CAMTA1: variants seen among roughly 807,000 people sequenced by gnomAD.
CAMTA1 encodes calmodulin-binding transcription activator 1.
CAMTA1 carries 27 observed loss-of-function variants against 170.9 expected under a neutral mutation model. The ratio of observed to expected loss-of-function variants is 0.16; its 90% CI spans 0.12 to 0.22. CAMTA1 has a LOEUF of 0.22. CAMTA1 is among the 10% of genes least tolerant of loss of function. CAMTA1 has a pLI of 1.00. For synonymous variants in CAMTA1, 833 were observed against 891.5 expected (o/e 0.93, Z 1.17); for missense variants, 1,619 against 2,217.2 (o/e 0.73, Z 5.42).
chr1:6,979,700 A>G (rs1163055049), intron 3 of CAMTA1, among the ~76,000 whole-genome samples: 3 of 152,232 alleles, frequency 2.0e-5, no homozygotes, highest in African/African-American at 7.2e-5. Flanking sequence ...TCCTAAAATT[A>G]GAAGAAAACT....
intron 4 of CAMTA1, among the ~76,000 whole-genome samples, chr1:7,225,862 C>A (rs1010029253): frequency 2.0e-5 from 3 of 152,192 alleles, no homozygotes; most frequent in African/African-American, 7.2e-5. Context: ...TCCAGTGTGG[C>A]TCCTCTGCTC....
chr1:7,694,843 A>G (rs2096357818), intron 11 of CAMTA1: 1 of 152,158 alleles, frequency 6.6e-6, no homozygotes, highest in African/African-American at 2.4e-5. Flanking sequence ...GGACCTTGCA[A>G]TTAGTGCCCA....
chr1:6,792,530 T>G (rs1323035590), intron 1 of CAMTA1, among the ~76,000 whole-genome samples: 1 of 152,134 alleles, frequency 6.6e-6, no homozygotes, highest in Non-Finnish European at 1.5e-5. Flanking sequence ...TGTACCCCAT[T>G]GCAAAGAGAG....
Position 7,086,710 on chromosome 1 carries a change from T to G in CAMTA1, c.235-4594T>G, listed in dbSNP as rs368717668. Among the ~76,000 whole-genome samples, 20 of 152,230 alleles carry G rather than the reference T, an allele frequency of 1.3e-4. 1 individual carries two copies. Among genetic ancestry groups the G allele is most frequent in the African/African-American group, 4.3e-4 (18 of 41,458 alleles). Reference sequence around the variant, plus strand: ...GCCTCTTCCACTCAGCATCATGTTTTCAGTGTTCATTCATGTAGTAGCCGG... The same window carrying G: ...GCCTCTTCCACTCAGCATCATGTTTGCAGTGTTCATTCATGTAGTAGCCGG... On this transcript the variant is annotated intron_variant, in intron 3 of 22. Coordinates refer to ENST00000303635, the MANE Select transcript of CAMTA1 (RefSeq NM_015215.4).
At chr1:6,838,218 C>G (rs1369882626) in intron 3 of CAMTA1, among the ~76,000 whole-genome samples, 1 of 152,220 alleles carries the variant, frequency 6.6e-6, no homozygotes, top group Non-Finnish European at 1.5e-5. Flanking sequence ...TCACTGACAG[C>G]ACCAAGCAGA....
At chr1:6,896,968 A>T (rs1675786496) in intron 3 of CAMTA1, among the ~76,000 whole-genome samples, 1 of 152,192 alleles carries the variant, frequency 6.6e-6, no homozygotes, top group African/African-American at 2.4e-5. Flanking sequence ...CAGTTAATTT[A>T]TAGTGAAATG....
chr1:7,332,936 A>G (rs116427874), intron 5 of CAMTA1, among the ~76,000 whole-genome samples: 3,826 of 152,274 alleles, frequency 0.025, 170 homozygotes, highest in African/African-American at 0.087. Flanking sequence ...AGGCTTGATA[A>G]GTTCACAGTG....
intron 5 of CAMTA1, among the ~76,000 whole-genome samples, chr1:7,347,253 A>G (rs74052950): frequency 6.6e-6 from 1 of 152,084 alleles, no homozygotes; most frequent in East Asian, 1.9e-4. Flanking sequence ...TGAGGCCCGG[A>G]CTGTTCCATC....
chr1:7,711,991 A>G (rs570686537), intron 11 of CAMTA1, among the ~76,000 whole-genome samples: 6 of 151,990 alleles, frequency 3.9e-5, no homozygotes, highest in African/African-American at 1.5e-4. Context: ...AATTAAAATA[A>G]TGTGTGTGCA....
intron 3 of CAMTA1, among the ~76,000 whole-genome samples, chr1:6,956,145 C>G (rs756444602): frequency 7.9e-5 from 12 of 152,210 alleles, no homozygotes; most frequent in African/African-American, 2.9e-4. Flanking sequence ...CTGGCCCCGG[C>G]AGCTCTCCAT....
intron 3 of CAMTA1, among the ~76,000 whole-genome samples, chr1:7,087,610 A>T (rs577100434): frequency 2.6e-5 from 4 of 152,220 alleles, no homozygotes; most frequent in African/African-American, 9.7e-5. Context: ...GCCATTCTGC[A>T]TGGGTTTGGG....
intron 3 of CAMTA1, among the ~76,000 whole-genome samples, chr1:7,053,260 G>A (rs1042909506): frequency 2.6e-5 from 4 of 152,144 alleles, no homozygotes; most frequent in East Asian, 1.9e-4. Flanking sequence ...CAGTGTCTGC[G>A]TATGCTCCCA....
At chr1:7,226,327 A>G (rs537584295) in intron 4 of CAMTA1, among the ~76,000 whole-genome samples, 5 of 152,172 alleles carry the variant, frequency 3.3e-5, no homozygotes, top group Admixed American at 3.3e-4. Context: ...ACTTGCCTTC[A>G]GGCTGTTCCA....
intron 6 of CAMTA1, among the ~76,000 whole-genome samples, chr1:7,475,973 G>A (rs1055485877): frequency 3.3e-5 from 5 of 151,704 alleles, no homozygotes; most frequent in African/African-American, 1.2e-4. Flanking sequence ...GAGCCTGGAT[G>A]TGCTGGCCTC....
chr1:6,908,235 G>T (rs532446686), intron 3 of CAMTA1, among the ~76,000 whole-genome samples: 2 of 152,320 alleles, frequency 1.3e-5, no homozygotes, highest in East Asian at 3.9e-4. Context: ...CCTCCAGGGT[G>T]CCAAGGCACA....
At chr1:6,979,621 A>C (rs999217293) in intron 3 of CAMTA1, among the ~76,000 whole-genome samples, 11 of 152,230 alleles carry the variant, frequency 7.2e-5, no homozygotes, top group African/African-American at 2.7e-4. Context: ...TGTTGGTTGA[A>C]TTATTTTAGT....
chr1:7,303,181 T>G (rs960661879), intron 5 of CAMTA1, among the ~76,000 whole-genome samples: 1 of 152,226 alleles, frequency 6.6e-6, no homozygotes. Flanking sequence ...TATTATTACT[T>G]GACTTCTTCC....
At chr1:7,139,669 C>T (rs1162152855) in intron 4 of CAMTA1, among the ~76,000 whole-genome samples, 1 of 152,156 alleles carries the variant, frequency 6.6e-6, no homozygotes, top group African/African-American at 2.4e-5. Context: ...ATGACATATT[C>T]CTTGGCGACT....
At chr1:6,788,809 A>T (rs2147998141) in intron 1 of CAMTA1, among the ~76,000 whole-genome samples, 1 of 152,200 alleles carries the variant, frequency 6.6e-6, no homozygotes, top group South Asian at 2.1e-4. Flanking sequence ...TATTGTCTGA[A>T]GCTGGGCCCT....
Sources: gnomAD v4.1 joint callset for allele counts (sites outside exome capture counted in the v4.1 genomes callset) on GRCh38, gnomAD v4.1.1 for gene constraint, MANE v1.5 for transcripts, NCBI Gene and HGNC (gene_info 2026-07-23, HGNC 2026-07-21) for gene names.